Variants in SAP130 observed in about 807,000 individuals in gnomAD.
SAP130 encodes the protein histone deacetylase complex subunit SAP130.
SAP130 carries 16 observed loss-of-function variants against 103.2 expected under a neutral mutation model. The ratio of observed to expected loss-of-function variants is 0.16; its 90% CI spans 0.10 to 0.24. SAP130 has a LOEUF of 0.24. SAP130 is among the 10% of genes least tolerant of loss of function. The probability of loss-of-function intolerance (pLI) is 1.00; values close to 1 mark genes in which losing one functional copy is unlikely to be tolerated. For missense variants in SAP130, 990 were observed against 1,359.7 expected, an observed-to-expected ratio of 0.73 and a Z score of 4.28; for synonymous variants, 477 against 497.0, an observed-to-expected ratio of 0.96 and a Z score of 0.53.
intron 2 of SAP130, among the ~76,000 whole-genome samples, chr2:128,020,489 T>G (rs1685078628): frequency 6.6e-6 from 1 of 152,216 alleles, no homozygotes; most frequent in African/African-American, 2.4e-5. Flanking sequence ...CAGCTGTAGA[T>G]CTTTCATTCT....
In SAP130 at chr2:127,968,932, T is replaced by C. The variant is rs907394826; in HGVS notation, c.2063+9053A>G. Among the ~76,000 whole-genome samples, 3 of 152,220 alleles carry C rather than the reference T, an allele frequency of 2.0e-5. No individual in the cohort carries two copies. In the South Asian group the frequency reaches 6.2e-4, roughly 31 times the overall value. On this transcript the variant is annotated intron_variant, in intron 15 of 20. Coordinates refer to ENST00000643581, the MANE Select transcript of SAP130 (RefSeq NM_001330301.2). ...CAGTTTTGCAGATGAAATCTTTCAGTACAGCTACACCAGACATGAGGACTC... is the reference window on the plus strand; with the variant it reads ...CAGTTTTGCAGATGAAATCTTTCAGCACAGCTACACCAGACATGAGGACTC...
At chr2:127,976,131 C>A (rs1681446744) in intron 15 of SAP130, among the ~76,000 whole-genome samples, 1 of 152,188 alleles carries the variant, frequency 6.6e-6, no homozygotes, top group Admixed American at 6.5e-5. Flanking sequence ...CAGGTGTGAG[C>A]CACTGCGCCC....
Position 127,953,792 on chromosome 2 carries a change from T to G in SAP130, c.2422+1194A>C, listed in dbSNP as rs760158223. Among the ~76,000 whole-genome samples the G allele has an allele frequency of 1.7e-4, 26 of 152,106 alleles. No homozygotes were observed. The highest frequency in any genetic ancestry group is 3.1e-4 in the Non-Finnish European group (21 of 68,032). On this transcript the variant is annotated intron_variant, in intron 16 of 20. Coordinates refer to ENST00000643581, the MANE Select transcript of SAP130 (RefSeq NM_001330301.2). This position sits in a 1 kb window ranked among gnomAD's most constrained non-coding sequence, Gnocchi z 4.0. Reference sequence around the variant, plus strand: ...TCAGTGAGGCTTTCTCCTAAAACTCTTTACACACATTCCAGCCCTGGCTAC... The same window carrying G: ...TCAGTGAGGCTTTCTCCTAAAACTCGTTACACACATTCCAGCCCTGGCTAC...
chr2:127,992,742 A>G (rs978251799), intron 12 of SAP130, among the ~76,000 whole-genome samples: 5 of 152,258 alleles, frequency 3.3e-5, no homozygotes, highest in Non-Finnish European at 7.3e-5. Flanking sequence ...TAAAAAACAT[A>G]TAACTGGTAC....
At chr2:127,972,715 G>A (rs1681178681) in intron 15 of SAP130, among the ~76,000 whole-genome samples, 1 of 152,056 alleles carries the variant, frequency 6.6e-6, no homozygotes, top group Non-Finnish European at 1.5e-5. Flanking sequence ...CCAATATGGT[G>A]CCAGTGCACT....
At chr2:127,952,525 T>C (rs1679565766) in intron 16 of SAP130, among the ~76,000 whole-genome samples, 1 of 151,842 alleles carries the variant, frequency 6.6e-6, no homozygotes, top group East Asian at 1.9e-4. Context: ...TTAGAACAAA[T>C]GCCTCAAACG....
intron 2 of SAP130, among the ~76,000 whole-genome samples, chr2:128,018,706 C>T (rs1684953596): frequency 6.6e-6 from 1 of 151,660 alleles, no homozygotes; most frequent in Admixed American, 6.6e-5. Flanking sequence ...GGAGGAGGAT[C>T]ACTTAACCCT....
In SAP130 at chr2:127,942,265, C is replaced by A; in HGVS notation, c.3016-101G>T. 1.7e-6 allele frequency: 2 copies of A among 1,209,376 alleles called. No homozygotes were observed. Among genetic ancestry groups the A allele is most frequent in the Non-Finnish European group, 2.4e-6 (2 of 850,016 alleles). 74.9% of individuals were successfully genotyped at this position (1,209,376 alleles called of 1,614,324 possible). ...GGCAGAGGCCATGTTGAGGCTTCCA[C>A]AACAGAGAAAATGTCTTTTTGTTTC... On this transcript the variant is annotated intron_variant, in intron 20 of 20. Coordinates refer to ENST00000643581, the MANE Select transcript of SAP130 (RefSeq NM_001330301.2). This position sits in a 1 kb window ranked among gnomAD's most constrained non-coding sequence, Gnocchi z 4.8.
intron 7 of SAP130, 136 bp from the exon 8 acceptor site, chr2:128,000,590 C>A: frequency 2.1e-6 from 2 of 934,032 alleles, no homozygotes; most frequent in Non-Finnish European, 3.1e-6. Context: ...TTAATCACAC[C>A]AATGTGGCAA....
intron 1 of SAP130, chr2:128,026,980 G>T (rs1685545310): frequency 9.6e-7 from 1 of 1,042,094 alleles, no homozygotes; most frequent in Non-Finnish European, 1.3e-6. Context: ...CGCTGAGACC[G>T]GAGGACGCCG....
intron 14 of SAP130, among the ~76,000 whole-genome samples, chr2:127,982,343 A>G (rs1682007497): frequency 6.6e-6 from 1 of 152,180 alleles, no homozygotes; most frequent in African/African-American, 2.4e-5. Flanking sequence ...TCATTCTTGA[A>G]TAGACAAGAG....
chr2:127,949,911 C>T lies in SAP130; in HGVS notation c.2755G>A (p.Ala919Thr). The stretch of plus-strand genomic sequence containing the variant: ...CTGTACCTCTGAAAGTGGTGGTAAG[C>T]AGCTTTCCAGGGGTTCCGATAGTGA... The part of the protein sequence containing the change: ...LRHYRNPWKA[A>T]YHHFQRYSDV... The change falls in exon 18 of 21, where the codon GCT (alanine) becomes ACT (threonine). Residue 919 changes from alanine to threonine, a missense_variant. Ala to Thr is a moderately conservative substitution (Grantham distance 58). Around this residue, in one of 6 missense-constraint regions of SAP130, gnomAD observed 61 missense variants for 73.8 expected, o/e 0.83. Transcript: ENST00000643581. 6.2e-7 allele frequency: 1 copy of T among 1,614,170 alleles called. No individual in the cohort carries two copies. The highest frequency in any genetic ancestry group is 8.5e-7 in the Non-Finnish European group (1 of 1,180,022).
intron 15 of SAP130, among the ~76,000 whole-genome samples, chr2:127,956,034 T>C (rs1679815532): frequency 6.6e-6 from 1 of 151,084 alleles, no homozygotes. Context: ...TATTTTTCTG[T>C]TTTTTTTTCT....
At chr2:127,944,863 C>T (rs1277475714) in intron 19 of SAP130, among the ~76,000 whole-genome samples, 3 of 142,640 alleles carry the variant, frequency 2.1e-5, no homozygotes, top group African/African-American at 8.0e-5. Context: ...GGTCGTGCCA[C>T]TGCACTCCAA....
At chr2:128,014,082 T>C (rs901593423) in intron 5 of SAP130, among the ~76,000 whole-genome samples, 2 of 152,218 alleles carry the variant, frequency 1.3e-5, no homozygotes, top group Non-Finnish European at 2.9e-5. Context: ...GCTTGGGCAG[T>C]TCCTCAATAT....
In SAP130 at chr2:127,986,045, A is replaced by G. The variant is rs116810493; in HGVS notation, c.1958+740T>C. ...TGGCTTCCCCCATCTGCTGAGAGCTACTTCTACTCAGTAAAACCCTACACT... is the reference window on the plus strand; with the variant it reads ...TGGCTTCCCCCATCTGCTGAGAGCTGCTTCTACTCAGTAAAACCCTACACT... On this transcript the variant is annotated intron_variant, in intron 14 of 20. Coordinates refer to ENST00000643581, the MANE Select transcript of SAP130 (RefSeq NM_001330301.2). The surrounding 1 kb of genome is among the most constrained non-coding windows in gnomAD (Gnocchi z 4.7). Among the ~76,000 whole-genome samples, 185 of 152,230 alleles carry G rather than the reference A, an allele frequency of 1.2e-3. No individual in the cohort carries two copies. The highest frequency in any genetic ancestry group is 4.3e-3 in the African/African-American group (180 of 41,532).
Position 128,014,890 on chromosome 2 carries a change from T to C in SAP130, c.532A>G (p.Ile178Val), listed in dbSNP as rs760115292. Residue 178 changes from isoleucine (I) to valine (V), a missense_variant, in exon 5 of 21, where the codon ATC (isoleucine) becomes GTC (valine). This residue lies in a region of SAP130 where 336 missense variants were observed against 520.1 expected (regional missense o/e 0.65). Transcript: ENST00000643581. ...GACATTTGCACATTTGTAGTCATGA[T>C]GTGATGCAGGTTACTGGGATGGCCC... ...QQGHPSNLHH[I>V]MTTNVQMSII... 1 of 1,614,118 alleles carries C rather than the reference T, an allele frequency of 6.2e-7. No individual in the cohort carries two copies. Among genetic ancestry groups the C allele is most frequent in the East Asian group, 2.2e-5 (1 of 44,882 alleles).
chr2:128,006,699 G>C (rs1683999120), intron 7 of SAP130, among the ~76,000 whole-genome samples: 1 of 152,204 alleles, frequency 6.6e-6, no homozygotes, highest in South Asian at 2.1e-4. Flanking sequence ...AGGATCACTT[G>C]GGCCTAGGAG....
chr2:127,994,675 T>C lies in SAP130; in HGVS notation c.1356-1367A>G, dbSNP rs116191482. Reference sequence around the variant, plus strand: ...TCGGGAGGCTGAGGTGGGAGGATCATTTGAGCCCGGAAGTCGAGGCTGCAG... The same window carrying C: ...TCGGGAGGCTGAGGTGGGAGGATCACTTGAGCCCGGAAGTCGAGGCTGCAG... On this transcript the variant is annotated intron_variant, in intron 11 of 20. Coordinates refer to ENST00000643581, the MANE Select transcript of SAP130 (RefSeq NM_001330301.2). 4.6e-3 allele frequency among the ~76,000 whole-genome samples: 700 copies of C among 152,236 alleles called. 6 individuals are homozygous for C. Among genetic ancestry groups the C allele is most frequent in the African/African-American group, 0.016 (649 of 41,532 alleles).
Sources: allele counts gnomAD v4.1 joint callset (sites outside exome capture counted in the v4.1 genomes callset), GRCh38; gene constraint gnomAD v4.1.1; regional missense constraint gnomAD v4.1.1; non-coding constraint Gnocchi (gnomAD v3.1); transcripts MANE v1.5; gene names NCBI Gene and HGNC (gene_info 2026-07-23, HGNC 2026-07-21).